The following EPHB1 variants were observed in gnomAD, a reference collection of about 807,000 sequenced individuals.
The protein encoded by EPHB1 is EPH receptor B1.
In EPHB1, 30 loss-of-function variants were observed where a neutral mutation model predicts 94.4. The ratio of observed to expected loss-of-function variants is 0.32; its 90% CI spans 0.24 to 0.43. The LOEUF (loss-of-function observed/expected upper bound fraction) is 0.43. Ranked by LOEUF, EPHB1 falls within the 20% of genes least tolerant of loss-of-function variation. The pLI is 1.00. For synonymous variants in EPHB1, 522 were observed against 489.1 expected (o/e 1.07, Z -0.89); for missense variants, 1,055 against 1,308.3 (o/e 0.81, Z 2.99).
chr3:135,092,884 C>T (rs987835360), intron 3 of EPHB1, among the ~76,000 whole-genome samples: 3 of 152,222 alleles, frequency 2.0e-5, no homozygotes, highest in African/African-American at 7.2e-5. Flanking sequence ...GCCTTAGCCT[C>T]CCAAAGTCCT....
chr3:134,872,525 A>G (rs2037521563), intron 1 of EPHB1, among the ~76,000 whole-genome samples: 2 of 152,262 alleles, frequency 1.3e-5, no homozygotes, highest in African/African-American at 2.4e-5. Context: ...TTTATAGCCA[A>G]CCTGTCACAT....
intron 12 of EPHB1, among the ~76,000 whole-genome samples, chr3:135,210,402 G>A (rs748587363): frequency 9.9e-5 from 15 of 152,266 alleles, no homozygotes; most frequent in Middle Eastern, 3.4e-3. Flanking sequence ...AAATGAAGAT[G>A]CACATTTAGG....
intron 1 of EPHB1, among the ~76,000 whole-genome samples, chr3:134,881,164 G>A (rs144639277): frequency 1.3e-3 from 196 of 152,184 alleles, no homozygotes; most frequent in African/African-American, 4.5e-3. Context: ...TTTTGTTAGC[G>A]ATGGCCCAGA....
intron 3 of EPHB1, among the ~76,000 whole-genome samples, chr3:135,106,050 GA>G: frequency 6.6e-6 from 1 of 152,300 alleles, no homozygotes; most frequent in South Asian, 2.1e-4. Context: ...CATAGGATGA[GA>G]TGTCTTTAGT....
In EPHB1 at chr3:134,900,569, C is replaced by T. The variant is rs1267002747; in HGVS notation, c.59-25247C>T. On this transcript the variant is annotated intron_variant, in intron 1 of 15. Coordinates refer to ENST00000398015, the MANE Select transcript of EPHB1 (RefSeq NM_004441.5). ...CCAGGATGTCATGACTCCTCTTCCT[C>T]CTGCCCTCCTGCCTGGGTTAACGGG... is the stretch of plus-strand genomic sequence containing the variant. Among the ~76,000 whole-genome samples the T allele has an allele frequency of 5.9e-5, 9 of 152,138 alleles. No homozygotes were observed. In the East Asian group the frequency reaches 1.5e-3, roughly 26 times the overall value.
At chr3:135,075,604 T>G (rs985246609) in intron 3 of EPHB1, among the ~76,000 whole-genome samples, 1 of 152,212 alleles carries the variant, frequency 6.6e-6, no homozygotes, top group African/African-American at 2.4e-5. Flanking sequence ...TCTTCAGGAA[T>G]AAGGGCTTGG....
Position 134,951,952 on chromosome 3 carries a change from C to T in EPHB1, c.705C>T (p.Pro235=). 6 of 1,614,036 alleles carry T rather than the reference C, an allele frequency of 3.7e-6. No individual in the cohort carries two copies. Among genetic ancestry groups the T allele is most frequent in the Non-Finnish European group, 5.1e-6 (6 of 1,179,894 alleles). Residue 235 remains proline (P), a synonymous_variant, in exon 3 of 16, where the codon CCC becomes CCT. Transcript: ENST00000398015. This position sits in a 1 kb window ranked among gnomAD's most constrained non-coding sequence, Gnocchi z 4.5. ...CCAACGCAGAGGAAGTGGACGTGCC[C>T]ATCAAACTCTACTGCAACGGGGATG... ...CIPNAEEVDV[P]IKLYCNGDGE...
intron 15 of EPHB1, among the ~76,000 whole-genome samples, chr3:135,258,069 G>A (rs1019678688): frequency 7.2e-5 from 11 of 152,166 alleles, no homozygotes; most frequent in East Asian, 1.9e-4. Context: ...ACCCTGCTTC[G>A]GCTCGTGCAC....
At chr3:135,166,195 A>T in intron 8 of EPHB1, 119 bp downstream of exon 8, 1 of 704,044 alleles carries the variant, frequency 1.4e-6, no homozygotes, top group Non-Finnish European at 2.5e-6. Flanking sequence ...TCATCACTCC[A>T]TCTCAATCCA....
chr3:135,199,161 G>T (rs1019727627), intron 11 of EPHB1, among the ~76,000 whole-genome samples: 1 of 152,158 alleles, frequency 6.6e-6, no homozygotes, highest in African/African-American at 2.4e-5. Context: ...CTTTTTTAGG[G>T]AGACATTCTG....
intron 1 of EPHB1, among the ~76,000 whole-genome samples, chr3:134,815,478 A>G (rs1481463178): frequency 6.6e-6 from 1 of 152,208 alleles, no homozygotes; most frequent in Admixed American, 6.5e-5. Context: ...GAAAGAGAAG[A>G]TGAAAAAGCA....
At chr3:135,108,239 A>C (rs1320096265) in intron 4 of EPHB1, among the ~76,000 whole-genome samples, 2 of 152,242 alleles carry the variant, frequency 1.3e-5, no homozygotes, top group Admixed American at 6.5e-5. Context: ...GCAGTATTGG[A>C]AAGTTTATAA....
intron 3 of EPHB1, among the ~76,000 whole-genome samples, chr3:135,011,908 A>C (rs1935632748): frequency 6.6e-6 from 1 of 152,072 alleles, no homozygotes; most frequent in African/African-American, 2.4e-5. Context: ...TCCTGTTTTG[A>C]AGGGTGTCAA....
chr3:135,194,580 A>G (rs944402644), intron 11 of EPHB1, among the ~76,000 whole-genome samples: 3 of 152,200 alleles, frequency 2.0e-5, no homozygotes, highest in African/African-American at 7.2e-5. Context: ...AGCACTCAGA[A>G]ACAGAGCTTA....
chr3:134,913,406 A>G (rs1042594789), intron 1 of EPHB1, among the ~76,000 whole-genome samples: 2 of 152,236 alleles, frequency 1.3e-5, no homozygotes, highest in African/African-American at 4.8e-5. Context: ...AAAACCTGCC[A>G]GGTCCGACAC....
intron 3 of EPHB1, among the ~76,000 whole-genome samples, chr3:135,076,318 A>G (rs1352955565): frequency 6.6e-6 from 1 of 151,494 alleles, no homozygotes; most frequent in African/African-American, 2.4e-5. Context: ...GAGCAAAAAT[A>G]TGCATGGGGA....
intron 1 of EPHB1, among the ~76,000 whole-genome samples, chr3:134,925,431 CT>C (rs1361459732): frequency 1.3e-5 from 2 of 152,192 alleles, no homozygotes; most frequent in African/African-American, 4.8e-5. Context: ...AAGGAATTAA[CT>C]TTGGCTACTT....
At chr3:134,931,990 T>C (rs961715721) in intron 2 of EPHB1, among the ~76,000 whole-genome samples, 13 of 151,906 alleles carry the variant, frequency 8.6e-5, no homozygotes, top group African/African-American at 2.9e-4. Context: ...TGTATATATA[T>C]GTGTGTGTCT....
At chr3:135,180,774 T>A in intron 10 of EPHB1, among the ~76,000 whole-genome samples, 1 of 152,216 alleles carries the variant, frequency 6.6e-6, no homozygotes, top group East Asian at 1.9e-4. Context: ...CAAAAATCAC[T>A]AAAAGAAATC....
Sources: gnomAD v4.1 joint callset for allele counts (sites outside exome capture counted in the v4.1 genomes callset) on GRCh38, gnomAD v4.1.1 for gene constraint, Gnocchi (gnomAD v3.1) non-coding constraint, MANE v1.5 for transcripts, NCBI Gene and HGNC (gene_info 2026-07-23, HGNC 2026-07-21) for gene names.